The following SLC2A13 variants were observed in gnomAD, a reference collection of about 807,000 sequenced individuals.
The protein encoded by SLC2A13 is solute carrier family 2 member 13.
A neutral mutation model predicts 64.4 loss-of-function variants in SLC2A13; 32 were observed. The ratio of observed to expected loss-of-function variants is 0.50; its 90% CI spans 0.37 to 0.67. The LOEUF is 0.67. SLC2A13 is among the 30% of genes least tolerant of loss of function. The pLI, the probability that SLC2A13 is intolerant of heterozygous loss-of-function variation, is 0.00. For missense variants in SLC2A13, 743 were observed against 829.2 expected (o/e 0.90, Z 1.28); for synonymous variants, 338 against 327.1 (o/e 1.03, Z -0.36).
intron 7 of SLC2A13, among the ~76,000 whole-genome samples, chr12:39,766,685 T>G (rs1159552650): frequency 6.6e-6 from 1 of 152,126 alleles, no homozygotes; most frequent in Non-Finnish European, 1.5e-5. Context: ...CTTTGTCAAC[T>G]AAGTTCGTGT....
intron 5 of SLC2A13, among the ~76,000 whole-genome samples, chr12:39,868,172 A>C (rs1943954873): frequency 6.6e-6 from 1 of 152,198 alleles, no homozygotes; most frequent in Non-Finnish European, 1.5e-5. Context: ...TTTGGATGAA[A>C]GAATTTTATC....
At position 39,760,148 on chromosome 12, in the gene SLC2A13, A is replaced by T; in HGVS notation, c.1825T>A (p.Phe609Ile). The T allele has an allele frequency of 6.2e-7, 1 of 1,613,050 alleles. No homozygotes were observed. Among genetic ancestry groups the T allele is most frequent in the Non-Finnish European group, 8.5e-7 (1 of 1,179,404 alleles). The change falls in exon 10 of 10, where the codon TTT (phenylalanine) becomes ATT (isoleucine). Residue 609 changes from phenylalanine to isoleucine, a missense_variant. By Grantham distance (21) the Phe-to-Ile change is conservative (BLOSUM62 0). Around this residue, in one of 2 missense-constraint regions of SLC2A13, gnomAD observed 295 missense variants for 381.7 expected, o/e 0.77. Coordinates refer to ENST00000280871, the MANE Select transcript of SLC2A13 (RefSeq NM_052885.4). The part of the protein sequence containing the change: ...GKKLEEIESL[F>I]DNRLCTCGTS... The stretch of plus-strand genomic sequence containing the variant: ...CCACATGTACATAGCCTGTTGTCAA[A>T]GAGTGATTCAATTTCCTCTAATTTT...
At chr12:39,981,960 TC>T (rs1275284755) in intron 3 of SLC2A13, among the ~76,000 whole-genome samples, 3 of 60,526 alleles carry the variant, frequency 5.0e-5, no homozygotes, top group Non-Finnish European at 9.9e-5. Context: ...CAGCAGCACA[TC>T]AAAAAGCTTA....
intron 7 of SLC2A13, among the ~76,000 whole-genome samples, chr12:39,793,343 A>C (rs550059487): frequency 6.6e-6 from 1 of 152,276 alleles, no homozygotes; most frequent in Non-Finnish European, 1.5e-5. Context: ...AGACTAAATA[A>C]ATGCAGAGAT....
At chr12:39,909,269 C>T (rs2136037014) in intron 4 of SLC2A13, among the ~76,000 whole-genome samples, 1 of 152,028 alleles carries the variant, frequency 6.6e-6, no homozygotes, top group Admixed American at 6.5e-5. Flanking sequence ...TTTCTTATTT[C>T]TAAATTCTAT....
At chr12:39,927,654 CAAG>C (rs1279233101) in intron 4 of SLC2A13, among the ~76,000 whole-genome samples, 2 of 151,950 alleles carry the variant, frequency 1.3e-5, no homozygotes, top group African/African-American at 2.4e-5. Context: ...TTTTCAAAAC[CAAG>C]AAGTTTTTAT....
rs1438045829 is a variant in SLC2A13, at chr12:39,764,810, G to C, written c.1494C>G (p.Tyr498Ter). 6.2e-7 allele frequency: 1 copy of C among 1,612,500 alleles called. No individual in the cohort carries two copies. ...KFKTEDIFWAYNFCPTPYSWT... is the reference protein window; with the variant it reads ...KFKTEDIFWA ...AGGAGTATGGAGTAGGGCAGAAATT[G>C]TAAGCCCAAAATATATCTTCTGTTT... The change falls in exon 8 of 10, where the codon TAC (tyrosine) becomes TAG (stop). Residue 498 changes from tyrosine (Y) to a stop codon, truncating the protein, a stop_gained. Coordinates refer to ENST00000280871, the MANE Select transcript of SLC2A13 (RefSeq NM_052885.4). LOFTEE classifies it high-confidence loss of function.
At chr12:40,039,277 G>C (rs1026853201) in intron 2 of SLC2A13, among the ~76,000 whole-genome samples, 2 of 151,982 alleles carry the variant, frequency 1.3e-5, no homozygotes, top group African/African-American at 2.4e-5. Flanking sequence ...ACTCACTTTT[G>C]TATATTACAT....
chr12:39,840,983 A>G (rs1943163604), intron 6 of SLC2A13, among the ~76,000 whole-genome samples: 1 of 152,146 alleles, frequency 6.6e-6, no homozygotes, highest in Admixed American at 6.5e-5. Flanking sequence ...GAAGATAACA[A>G]GATTGAAGCT....
intron 4 of SLC2A13, among the ~76,000 whole-genome samples, chr12:39,892,199 T>C (rs1233391969): frequency 1.3e-5 from 2 of 152,222 alleles, no homozygotes; most frequent in African/African-American, 4.8e-5. Context: ...ATAGCTATAT[T>C]TCTGTAATTA....
At chr12:39,795,598 A>C (rs1243715604) in intron 7 of SLC2A13, among the ~76,000 whole-genome samples, 1 of 151,986 alleles carries the variant, frequency 6.6e-6, no homozygotes, top group Non-Finnish European at 1.5e-5. Context: ...TTATCTATGG[A>C]ATGATTTGGG....
chr12:39,874,453 A>G (rs1944129895), intron 4 of SLC2A13, among the ~76,000 whole-genome samples: 1 of 152,056 alleles, frequency 6.6e-6, no homozygotes. Context: ...ATCTCTATTA[A>G]AAATACAAAA....
At chr12:39,916,685 T>C (rs575948388) in intron 4 of SLC2A13, among the ~76,000 whole-genome samples, 29 of 152,130 alleles carry the variant, frequency 1.9e-4, no homozygotes, top group Non-Finnish European at 3.2e-4. Flanking sequence ...TCATTATATA[T>C]TAAAAACATT....
chr12:39,910,296 C>G (rs1239921725), intron 4 of SLC2A13, among the ~76,000 whole-genome samples: 1 of 152,080 alleles, frequency 6.6e-6, no homozygotes, highest in Non-Finnish European at 1.5e-5. Flanking sequence ...TTCTCTGAAG[C>G]AAAAGGTCTT....
At chr12:39,768,862 GCT>G (rs1566765437) in intron 7 of SLC2A13, among the ~76,000 whole-genome samples, 1 of 152,058 alleles carries the variant, frequency 6.6e-6, no homozygotes, top group Non-Finnish European at 1.5e-5. Context: ...TTGATGCAGG[GCT>G]GCCAGAAACC....
At chr12:39,980,213 A>G (rs1249413027) in intron 3 of SLC2A13, among the ~76,000 whole-genome samples, 1 of 152,176 alleles carries the variant, frequency 6.6e-6, no homozygotes, top group Non-Finnish European at 1.5e-5. Flanking sequence ...CAGCCACTGC[A>G]AAATCATGCC....
chr12:40,060,879 T>C (rs965384866), intron 1 of SLC2A13, among the ~76,000 whole-genome samples: 6 of 152,160 alleles, frequency 3.9e-5, no homozygotes, highest in Non-Finnish European at 7.4e-5. Context: ...TTAACAGTTA[T>C]CTTGTGGTGC....
chr12:39,896,325 T>C (rs1162778674), intron 4 of SLC2A13, among the ~76,000 whole-genome samples: 5 of 141,260 alleles, frequency 3.5e-5, no homozygotes, highest in East Asian at 4.5e-4. Context: ...TGTATGTATA[T>C]GTGTATATAT....
intron 1 of SLC2A13, among the ~76,000 whole-genome samples, chr12:40,078,601 C>T (rs1938272537): frequency 6.6e-6 from 1 of 151,976 alleles, no homozygotes. Context: ...AAGTTTTCAT[C>T]TTTTATTGTG....
Sources: allele counts gnomAD v4.1 joint callset (sites outside exome capture counted in the v4.1 genomes callset), GRCh38; gene constraint gnomAD v4.1.1; regional missense constraint gnomAD v4.1.1; transcripts MANE v1.5; gene names NCBI Gene and HGNC (gene_info 2026-07-23, HGNC 2026-07-21).